AEBP2: variants seen among roughly 807,000 people sequenced by gnomAD.
AEBP2 encodes the protein zinc finger protein AEBP2.
In AEBP2, 10 loss-of-function variants were observed where a neutral mutation model predicts 50.8. The ratio of observed to expected loss-of-function variants is 0.20; its 90% CI spans 0.12 to 0.33. The LOEUF is 0.33. Ranked by LOEUF, AEBP2 falls within the 10% of genes least tolerant of loss-of-function variation. AEBP2 has a pLI of 1.00. For missense variants in AEBP2, 570 were observed against 688.0 expected (o/e 0.83, Z 1.92); for synonymous variants, 296 against 261.3 (o/e 1.13, Z -1.28).
chr12:19,447,221 A>C (rs970399872), intron 1 of AEBP2, among the ~76,000 whole-genome samples: 22 of 152,210 alleles, frequency 1.4e-4, no homozygotes, highest in African/African-American at 5.1e-4. Flanking sequence ...TTGTGAATCA[A>C]ATTCTTTTTA....
Position 19,439,693 on chromosome 12 carries a change from C to G in AEBP2, c.-7C>G. 6.6e-7 allele frequency: 1 copy of G among 1,505,472 alleles called. No homozygotes were observed. Among genetic ancestry groups the G allele is most frequent in the Non-Finnish European group, 8.8e-7 (1 of 1,135,006 alleles). The allele number at this position is 1,505,472 out of a possible 1,614,324, so 93.3% of individuals were successfully genotyped here. On this transcript the variant is annotated 5_prime_UTR_variant, in exon 1 of 8. Coordinates refer to ENST00000266508, the MANE Select transcript of AEBP2 (RefSeq NM_153207.5). ...GAGGAGGAGGAGGAGGAGGAGCAGG[C>G]GCCGCCATGGCCGCCGCTATCACCG...
chr12:19,508,648 C>A (rs1205331935), intron 5 of AEBP2, among the ~76,000 whole-genome samples: 1 of 152,060 alleles, frequency 6.6e-6, no homozygotes, highest in African/African-American at 2.4e-5. Context: ...TTTTCTTATA[C>A]TTTTTTGGGT....
At chr12:19,442,954 A>T (rs1947989308) in intron 1 of AEBP2, among the ~76,000 whole-genome samples, 3 of 152,190 alleles carry the variant, frequency 2.0e-5, no homozygotes. Context: ...CTTAGTTTTA[A>T]AGTGCTCTAT....
At chr12:19,451,848 T>G (rs1948171044) in intron 1 of AEBP2, among the ~76,000 whole-genome samples, 1 of 152,178 alleles carries the variant, frequency 6.6e-6, no homozygotes, top group South Asian at 2.1e-4. Flanking sequence ...ACTACAGTTG[T>G]GCATCACTGC....
intron 7 of AEBP2, among the ~76,000 whole-genome samples, chr12:19,515,842 A>G (rs1949309322): frequency 1.3e-5 from 2 of 152,132 alleles, no homozygotes; most frequent in Admixed American, 6.5e-5. Context: ...GCTCATGCCT[A>G]TCATCACAGC....
chr12:19,454,816 C>T (rs1030726323), intron 1 of AEBP2, among the ~76,000 whole-genome samples: 1 of 152,098 alleles, frequency 6.6e-6, no homozygotes, highest in Non-Finnish European at 1.5e-5. Flanking sequence ...GGAGGAGCTA[C>T]AACACAAATG....
intron 1 of AEBP2, among the ~76,000 whole-genome samples, chr12:19,420,118 GGTTCAA>G (rs2095744841): frequency 6.7e-6 from 1 of 148,344 alleles, no homozygotes; most frequent in Non-Finnish European, 1.5e-5. Flanking sequence ...ACGCCTCCCA[GGTTCAA>G]GGGATTCTCC....
intron 1 of AEBP2, chr12:19,456,521 C>G: frequency 6.6e-7 from 1 of 1,521,990 alleles, no homozygotes; most frequent in Non-Finnish European, 9.1e-7. Flanking sequence ...GCTCAGCAAA[C>G]TTGCATGCAG....
chr12:19,516,148 T>C (rs1412305250), intron 7 of AEBP2, among the ~76,000 whole-genome samples: 1 of 152,180 alleles, frequency 6.6e-6, no homozygotes, highest in Non-Finnish European at 1.5e-5. Context: ...ATAAAACTTA[T>C]TCTTTGTGGA....
intron 1 of AEBP2, among the ~76,000 whole-genome samples, chr12:19,454,534 G>T (rs187527168): frequency 1.3e-5 from 2 of 152,306 alleles, no homozygotes; most frequent in South Asian, 4.1e-4. Flanking sequence ...CAGCAGAGCC[G>T]TAGCCTTTTT....
intron 2 of AEBP2, among the ~76,000 whole-genome samples, chr12:19,467,081 A>G (rs1186685949): frequency 7.2e-5 from 11 of 152,152 alleles, no homozygotes; most frequent in Non-Finnish European, 1.3e-4. Context: ...ACTAATCTAA[A>G]CACCAAATTA....
At chr12:19,422,682 T>G (rs1200753705) in intron 1 of AEBP2, among the ~76,000 whole-genome samples, 1 of 151,948 alleles carries the variant, frequency 6.6e-6, no homozygotes, top group African/African-American at 2.4e-5. Context: ...GAAATCCGTT[T>G]TCATTGGTGA....
At chr12:19,421,006 T>G (rs1457982811) in intron 1 of AEBP2, among the ~76,000 whole-genome samples, 1 of 152,158 alleles carries the variant, frequency 6.6e-6, no homozygotes, top group Admixed American at 6.6e-5. Flanking sequence ...TCTCAGTTTC[T>G]TCATGGCTGA....
rs1947912459 is a variant in AEBP2, at chr12:19,439,846, G to GGAGGCC, written c.153_158dup (p.Glu52_Ala53dup). On this transcript the variant is annotated inframe_insertion, in exon 1 of 8. Transcript: ENST00000266508. ...AAGAGGAGGAGGAGGAAGAGGAGGC[G>GGAGGCC]GAGGCCGAGGCGGTGGCGGCGCTGC... 6.7e-7 allele frequency: 1 copy of GGAGGCC among 1,495,150 alleles called. No individual in the cohort carries two copies. The highest frequency in any genetic ancestry group is 1.2e-5 in the South Asian group (1 of 80,132). The allele number at this position is 1,495,150 out of a possible 1,614,324, so 92.6% of individuals were successfully genotyped here.
chr12:19,445,370 CTTTTTTTTTT>C (rs55898072), intron 1 of AEBP2, among the ~76,000 whole-genome samples: 1 of 135,614 alleles, frequency 7.4e-6, no homozygotes, highest in Non-Finnish European at 1.6e-5. Flanking sequence ...TGCTCGTTTT[CTTTTTTTTTT>C]TTTTTTTGTA....
chr12:19,485,490 T>TA (rs573763499), intron 3 of AEBP2, among the ~76,000 whole-genome samples: 11 of 152,030 alleles, frequency 7.2e-5, no homozygotes, highest in African/African-American at 1.9e-4. Flanking sequence ...GCAGATTGCT[T>TA]AAGCCCAGGA....
intron 3 of AEBP2, among the ~76,000 whole-genome samples, chr12:19,492,852 C>CTAT (rs1163492909): frequency 6.6e-6 from 1 of 151,794 alleles, no homozygotes; most frequent in Non-Finnish European, 1.5e-5. Flanking sequence ...TGGCGTGTGC[C>CTAT]TATAGTACCA....
chr12:19,462,598 T>A lies in AEBP2; in HGVS notation c.760T>A (p.Ser254Thr), dbSNP rs1202059199. ...AMMNGQGSTTSSSKNIAYNCC... is the reference protein window; with the variant it reads ...AMMNGQGSTTTSSKNIAYNCC... Reference sequence around the variant, plus strand: ...GATGAATGGACAAGGAAGCACTACTTCTTCAAGCAAAAATATTGCCTATAA... The same window carrying A: ...GATGAATGGACAAGGAAGCACTACTACTTCAAGCAAAAATATTGCCTATAA... The change falls in exon 2 of 8, where the codon TCT (serine) becomes ACT (threonine). Residue 254 changes from serine (S) to threonine (T), a missense_variant. This residue lies in a region of AEBP2 where 184 missense variants were observed against 351.2 expected (regional missense o/e 0.52). Transcript: ENST00000266508. 11 of 1,613,936 alleles carry A rather than the reference T, an allele frequency of 6.8e-6. No individual in the cohort carries two copies. Among genetic ancestry groups the A allele is most frequent in the African/African-American group, 1.3e-5 (1 of 75,052 alleles).
chr12:19,462,164 T>G (rs781242474), intron 1 of AEBP2, among the ~76,000 whole-genome samples: 1 of 152,172 alleles, frequency 6.6e-6, no homozygotes, highest in Non-Finnish European at 1.5e-5. Context: ...TACTTTCTTA[T>G]GCTTCTTTGA....
Sources: allele counts gnomAD v4.1 joint callset (sites outside exome capture counted in the v4.1 genomes callset), GRCh38; gene constraint gnomAD v4.1.1; regional missense constraint gnomAD v4.1.1; transcripts MANE v1.5; gene names NCBI Gene and HGNC (gene_info 2026-07-23, HGNC 2026-07-21).